Variants in RAB18 observed in about 807,000 individuals in gnomAD.
The protein encoded by RAB18 is RAB18, member RAS oncogene family, also known as ras-related protein Rab-18.
Under a neutral mutation model 28.5 loss-of-function variants are expected in RAB18, and 10 were observed. The ratio of observed to expected loss-of-function variants is 0.35; its 90% CI spans 0.22 to 0.60. The LOEUF is 0.60. RAB18 is among the 20% of genes least tolerant of loss of function. The probability of loss-of-function intolerance (pLI) is 0.78; values close to 1 mark genes in which losing one functional copy is unlikely to be tolerated. For synonymous variants in RAB18, 93 were observed against 86.9 expected, an observed-to-expected ratio of 1.07 and a Z score of -0.39; for missense variants, 188 against 244.2, an observed-to-expected ratio of 0.77 and a Z score of 1.53.
In RAB18 at chr10:27,539,146, A is replaced by C. The variant is rs1054107607; in HGVS notation, c.*1095A>C. 5.5e-6 allele frequency: 2 copies of C among 361,406 alleles called. No individual in the cohort carries two copies. Among genetic ancestry groups the C allele is most frequent in the Non-Finnish European group, 1.1e-5 (2 of 184,740 alleles). The allele number at this position is 361,406 out of a possible 1,614,324, so 22.4% of individuals were successfully genotyped here. Reference sequence around the variant, plus strand: ...CAAAACCAACTTGTACAGACTAATAAATCTTTTTCACAGTATTCAGTTTTC... The same window carrying C: ...CAAAACCAACTTGTACAGACTAATACATCTTTTTCACAGTATTCAGTTTTC... On this transcript the variant is annotated 3_prime_UTR_variant, in exon 7 of 7. Coordinates refer to ENST00000356940, the MANE Select transcript of RAB18 (RefSeq NM_021252.5).
At chr10:27,537,187 G>C (rs1233560451) in intron 6 of RAB18, among the ~76,000 whole-genome samples, 1 of 152,202 alleles carries the variant, frequency 6.6e-6, no homozygotes, top group Non-Finnish European at 1.5e-5. Context: ...TATGCAGGTA[G>C]CTTGGTAAAT....
chr10:27,539,182 C>T lies in RAB18; in HGVS notation c.*1131C>T. 1 of 346,108 alleles carries T rather than the reference C, an allele frequency of 2.9e-6. No homozygotes were observed. The highest frequency in any genetic ancestry group is 2.3e-5 in the South Asian group (1 of 43,342). The allele number at this position is 346,108 out of a possible 1,614,324, so 21.4% of individuals were successfully genotyped here. On this transcript the variant is annotated 3_prime_UTR_variant, in exon 7 of 7. Coordinates refer to ENST00000356940, the MANE Select transcript of RAB18 (RefSeq NM_021252.5). ...CAGTATTCAGTTTTCTCACCTCTTGCTATTGTATATTGTAGATTTTTTTCA... is the reference window on the plus strand; with the variant it reads ...CAGTATTCAGTTTTCTCACCTCTTGTTATTGTATATTGTAGATTTTTTTCA...
chr10:27,532,047 AAAGT>A (rs1234020507), intron 3 of RAB18, among the ~76,000 whole-genome samples: 1 of 152,166 alleles, frequency 6.6e-6, no homozygotes, highest in African/African-American at 2.4e-5. Context: ...TCTGTTACCT[AAAGT>A]AAGACATCCC....
Position 27,540,759 on chromosome 10 carries a change from T to C in RAB18, c.*2708T>C, listed in dbSNP as rs1426639450. 2.2e-6 allele frequency: 1 copy of C among 454,000 alleles called. No homozygotes were observed. Among genetic ancestry groups the C allele is most frequent in the African/African-American group, 2.0e-5 (1 of 50,020 alleles). 28.1% of individuals were successfully genotyped at this position (454,000 alleles called of 1,614,324 possible). On this transcript the variant is annotated 3_prime_UTR_variant, in exon 7 of 7. Transcript: ENST00000356940. ...TGGGGTGATGTTTTCATTTCATGTA[T>C]TTGATTGCCATCCATAAACTCATAC...
At chr10:27,533,898 C>A (rs746244679) in intron 5 of RAB18, 30 bp from the exon 6 acceptor site, 2 of 1,608,660 alleles carry the variant, frequency 1.2e-6, no homozygotes, top group East Asian at 4.5e-5. Context: ...ATTTTGGTAG[C>A]CTTTCTTAAT....
chr10:27,533,060 T>G (rs1834820046), intron 4 of RAB18, among the ~76,000 whole-genome samples: 1 of 152,092 alleles, frequency 6.6e-6, no homozygotes, highest in Non-Finnish European at 1.5e-5. Context: ...GAAAAGTGCT[T>G]GTTCTTGATA....
chr10:27,537,992 T>A lies in RAB18; in HGVS notation c.562T>A (p.Ser188Thr). Residue 188 changes from serine (S) to threonine (T), a missense_variant, in exon 7 of 7, where the codon TCA becomes ACA. Coordinates refer to ENST00000356940, the MANE Select transcript of RAB18 (RefSeq NM_021252.5). ...GAACCAGAATAAAGGAGTCAAACTG[T>A]CACACAGGGAAGAAGGCCAAGGAGG... ...SENQNKGVKL[S>T]HREEGQGGGA... 1.2e-6 allele frequency: 2 copies of A among 1,614,142 alleles called. No homozygotes were observed. The highest frequency in any genetic ancestry group is 1.7e-6 in the Non-Finnish European group (2 of 1,180,004).
At chr10:27,513,340 A>G (rs191807872) in intron 2 of RAB18, among the ~76,000 whole-genome samples, 4 of 152,186 alleles carry the variant, frequency 2.6e-5, no homozygotes, top group East Asian at 1.9e-4. Flanking sequence ...CAGCCCACAC[A>G]TGAGTTTTAA....
At chr10:27,509,237 T>C (rs1398418410) in intron 1 of RAB18, among the ~76,000 whole-genome samples, 1 of 152,190 alleles carries the variant, frequency 6.6e-6, no homozygotes, top group Non-Finnish European at 1.5e-5. Context: ...AGAGCAGTAC[T>C]TGTCTTAACT....
At position 27,539,206 on chromosome 10, in the gene RAB18, C is replaced by T. The variant is rs1344559090; in HGVS notation, c.*1155C>T. 3.0e-6 allele frequency: 1 copy of T among 333,340 alleles called. No individual in the cohort carries two copies. Among genetic ancestry groups the T allele is most frequent in the Non-Finnish European group, 5.8e-6 (1 of 172,098 alleles). 20.6% of individuals were successfully genotyped at this position (333,340 alleles called of 1,614,324 possible). A position where few individuals can be genotyped will look rare whatever the true frequency, so the allele number is the denominator to read the frequency against. ...GCTATTGTATATTGTAGATTTTTTT[C>T]ATTCATGTGTTATTTAATTTACACT... On this transcript the variant is annotated 3_prime_UTR_variant, in exon 7 of 7. Transcript: ENST00000356940.
intron 2 of RAB18, among the ~76,000 whole-genome samples, chr10:27,518,940 G>T (rs1310050242): frequency 6.7e-6 from 1 of 148,266 alleles, no homozygotes; most frequent in Non-Finnish European, 1.5e-5. Flanking sequence ...TTTGAATACA[G>T]TGTGAGGTAT....
intron 2 of RAB18, chr10:27,510,189 T>C: frequency 1.9e-6 from 1 of 515,208 alleles, no homozygotes; most frequent in Non-Finnish European, 3.5e-6. Context: ...TGTACACACA[T>C]TTCTCTCCTA....
rs1425892138 is a variant in RAB18 at position 27,533,401 on chromosome 10, ACT to A, written c.260-331_260-330del. On this transcript the variant is annotated intron_variant, in intron 4 of 6. Coordinates refer to ENST00000356940, the MANE Select transcript of RAB18 (RefSeq NM_021252.5). ...TTTTGCCACAGATTTGAATCTAAAC[ACT>A]CTGGTTTTTGGATAGACCTCATTCA... 5.9e-5 allele frequency among the ~76,000 whole-genome samples: 9 copies of A among 151,564 alleles called. 1 individual carries two copies. The highest frequency in any genetic ancestry group is 2.0e-4 in the Admixed American group (3 of 15,212).
At chr10:27,504,930 T>C (rs1837779148) in intron 1 of RAB18, 1 of 530,334 alleles carries the variant, frequency 1.9e-6, no homozygotes, top group African/African-American at 1.9e-5. Flanking sequence ...GTCCCATTCC[T>C]GGCCTGTTTG....
intron 2 of RAB18, among the ~76,000 whole-genome samples, chr10:27,510,886 G>A (rs1834310411): frequency 6.6e-6 from 1 of 152,106 alleles, no homozygotes; most frequent in Non-Finnish European, 1.5e-5. Context: ...TGTAAAAATA[G>A]CACAAATAAT....
At chr10:27,509,388 C>A (rs1199190381) in intron 1 of RAB18, among the ~76,000 whole-genome samples, 1 of 152,110 alleles carries the variant, frequency 6.6e-6, no homozygotes, top group East Asian at 1.9e-4. Flanking sequence ...AGGTAGTAGC[C>A]GTACTGCGTG....
chr10:27,542,095 A>G lies in RAB18; in HGVS notation c.*4044A>G. 1 of 454,050 alleles carries G rather than the reference A, an allele frequency of 2.2e-6. No homozygotes were observed. The highest frequency in any genetic ancestry group is 1.6e-5 in the South Asian group (1 of 64,474). 28.1% of individuals were successfully genotyped at this position (454,050 alleles called of 1,614,324 possible). A position where few individuals can be genotyped will look rare whatever the true frequency, so the allele number is the denominator to read the frequency against. On this transcript the variant is annotated 3_prime_UTR_variant, in exon 7 of 7. Coordinates refer to ENST00000356940, the MANE Select transcript of RAB18 (RefSeq NM_021252.5). The stretch of plus-strand genomic sequence containing the variant: ...TGCTGCAGCTCGTTTTTCTAATATA[A>G]AGGAACCAGCCTGAGGCAGTACCAG...
At chr10:27,509,035 T>A (rs1463254119) in intron 1 of RAB18, among the ~76,000 whole-genome samples, 1 of 152,222 alleles carries the variant, frequency 6.6e-6, no homozygotes, top group African/African-American at 2.4e-5. Context: ...TGCTTCATAG[T>A]AAGTAAAATA....
chr10:27,531,629 C>T (rs2132405467), intron 3 of RAB18: 1 of 783,598 alleles, frequency 1.3e-6, no homozygotes, highest in Non-Finnish European at 2.2e-6. Flanking sequence ...AGCAAATAGG[C>T]CTGCTGTGTT....
Sources: gnomAD v4.1 joint callset for allele counts (sites outside exome capture counted in the v4.1 genomes callset) on GRCh38, gnomAD v4.1.1 for gene constraint, MANE v1.5 for transcripts, NCBI Gene and HGNC (gene_info 2026-07-23, HGNC 2026-07-21) for gene names.